The following EYS variants were observed in gnomAD, a reference collection of about 807,000 sequenced individuals.
The protein encoded by EYS is EGF-like photoreceptor maintenance factor, also known as protein eyes shut homolog.
EYS carries 250 observed loss-of-function variants against 282.1 expected under a neutral mutation model. The observed-to-expected ratio is 0.89, with a 90% CI of 0.80 to 0.98. The LOEUF is 0.98. Among genes scored for constraint, EYS ranks in the 50% least tolerant of loss-of-function variants. The pLI, the probability that EYS is intolerant of heterozygous loss-of-function variation, is 0.00. For synonymous variants in EYS, 1,355 were observed against 1,282.9 expected (o/e 1.06, Z -1.20); for missense variants, 4,016 against 3,709.0 (o/e 1.08, Z -2.15).
At chr6:64,995,722 C>CT (rs60329027) in intron 14 of EYS, among the ~76,000 whole-genome samples, 1 of 149,266 alleles carries the variant, frequency 6.7e-6, no homozygotes, top group African/African-American at 2.4e-5. Flanking sequence ...GCTTCCCCCC[C>CT]GCCCCATATT....
At chr6:65,117,288 C>G (rs1775403530) in intron 12 of EYS, among the ~76,000 whole-genome samples, 1 of 152,150 alleles carries the variant, frequency 6.6e-6, no homozygotes, top group Non-Finnish European at 1.5e-5. Flanking sequence ...CCAAATTAGA[C>G]AAAGCACCTT....
rs770504349 is a variant in EYS at position 64,686,367 on chromosome 6, TG to T, written c.3444-60123del. ...AAGATAAATGAAATAAATAAATGCC[TG>T]GAAATACTGATGAAGTAAAAAGGAA... On this transcript the variant is annotated intron_variant, in intron 22 of 42. Transcript: ENST00000503581. Among the ~76,000 whole-genome samples, 5 of 151,780 alleles carry T rather than the reference TG, an allele frequency of 3.3e-5. No individual in the cohort carries two copies. The East Asian group carries it at 7.7e-4, about 23-fold the overall frequency.
intron 41 of EYS, among the ~76,000 whole-genome samples, chr6:63,754,691 C>T (rs1447535937): frequency 1.3e-5 from 2 of 152,120 alleles, no homozygotes; most frequent in Admixed American, 1.3e-4. Context: ...ATTTATAATC[C>T]TTTGGGTATA....
intron 13 of EYS, among the ~76,000 whole-genome samples, chr6:65,043,230 A>C (rs1187901225): frequency 6.6e-6 from 1 of 151,490 alleles, no homozygotes; most frequent in African/African-American, 2.4e-5. Context: ...TTTGAAAGTT[A>C]CTCTTATTTT....
chr6:65,239,485 A>G (rs1227368945), intron 12 of EYS, among the ~76,000 whole-genome samples: 1 of 152,090 alleles, frequency 6.6e-6, no homozygotes, highest in African/African-American at 2.4e-5. Context: ...TATTTATTCT[A>G]TTCAATTGGC....
At chr6:64,198,746 T>C (rs902004586) in intron 31 of EYS, among the ~76,000 whole-genome samples, 2 of 152,178 alleles carry the variant, frequency 1.3e-5, no homozygotes, top group African/African-American at 4.8e-5. Flanking sequence ...TTTGGATTGG[T>C]TCCAAGTCTT....
At chr6:64,397,094 G>T (rs561365317) in intron 28 of EYS, among the ~76,000 whole-genome samples, 1 of 151,996 alleles carries the variant, frequency 6.6e-6, no homozygotes, top group Admixed American at 6.6e-5. Flanking sequence ...TTTTAATTGA[G>T]ATAATTAAAT....
intron 22 of EYS, among the ~76,000 whole-genome samples, chr6:64,652,453 G>A (rs1768597419): frequency 6.6e-6 from 1 of 152,114 alleles, no homozygotes; most frequent in South Asian, 2.1e-4. Flanking sequence ...GACAAAAAAT[G>A]GAAACCTCAG....
At chr6:65,225,684 A>G (rs1354289767) in intron 12 of EYS, among the ~76,000 whole-genome samples, 1 of 151,270 alleles carries the variant, frequency 6.6e-6, no homozygotes, top group Non-Finnish European at 1.5e-5. Context: ...ATTGCACTCC[A>G]GCCTGGGTAA....
intron 12 of EYS, among the ~76,000 whole-genome samples, chr6:65,241,605 G>C (rs1241617367): frequency 1.3e-5 from 2 of 151,860 alleles, no homozygotes; most frequent in Non-Finnish European, 2.9e-5. Flanking sequence ...TGATAAAACT[G>C]GTATGTCAGG....
chr6:64,786,943 T>A (rs180803325), intron 22 of EYS, among the ~76,000 whole-genome samples: 1 of 152,320 alleles, frequency 6.6e-6, no homozygotes, highest in Admixed American at 6.5e-5. Flanking sequence ...TGAGTTTCAC[T>A]CTTGGCTTTC....
intron 12 of EYS, among the ~76,000 whole-genome samples, chr6:65,247,303 T>C (rs1767205044): frequency 6.6e-6 from 1 of 152,056 alleles, no homozygotes; most frequent in African/African-American, 2.4e-5. Flanking sequence ...AATTTTCTCA[T>C]TATCTCACTT....
chr6:64,689,733 TC>T (rs1189328461), intron 22 of EYS, among the ~76,000 whole-genome samples: 4 of 152,180 alleles, frequency 2.6e-5, no homozygotes, highest in African/African-American at 9.7e-5. Flanking sequence ...GGGAAAGGAT[TC>T]CCTATTTAAT....
chr6:65,346,155 C>T (rs143736894), intron 9 of EYS, among the ~76,000 whole-genome samples: 19 of 151,874 alleles, frequency 1.3e-4, no homozygotes, highest in Non-Finnish European at 2.2e-4. Flanking sequence ...AGTTGCCATC[C>T]TGCAACCCTG....
At chr6:63,898,855 A>G (rs1196953516) in intron 35 of EYS, among the ~76,000 whole-genome samples, 2 of 152,190 alleles carry the variant, frequency 1.3e-5, no homozygotes, top group Non-Finnish European at 2.9e-5. Flanking sequence ...CATTTTTCCA[A>G]TAAATAGACT....
chr6:64,350,029 T>C (rs1483980385), intron 29 of EYS, among the ~76,000 whole-genome samples: 1 of 151,542 alleles, frequency 6.6e-6, no homozygotes, highest in Non-Finnish European at 1.5e-5. Flanking sequence ...TCTAGTGTGT[T>C]GACACTAGTA....
intron 29 of EYS, among the ~76,000 whole-genome samples, chr6:64,346,734 A>G (rs1355250704): frequency 6.6e-6 from 1 of 151,358 alleles, no homozygotes; most frequent in Non-Finnish European, 1.5e-5. Flanking sequence ...AAAACAAAAA[A>G]ACATTTTCAG....
intron 12 of EYS, among the ~76,000 whole-genome samples, chr6:65,150,902 T>C (rs1234856669): frequency 1.3e-5 from 2 of 151,994 alleles, no homozygotes; most frequent in Non-Finnish European, 2.9e-5. Flanking sequence ...TTTAGCTAAA[T>C]GCTAAATTAA....
At chr6:64,820,644 A>G (rs1203411394) in intron 21 of EYS, among the ~76,000 whole-genome samples, 1 of 152,172 alleles carries the variant, frequency 6.6e-6, no homozygotes, top group Non-Finnish European at 1.5e-5. Flanking sequence ...ATCTCATTTA[A>G]TTCTTGCAAT....
Sources: gnomAD v4.1 joint callset for allele counts (sites outside exome capture counted in the v4.1 genomes callset) on GRCh38, gnomAD v4.1.1 for gene constraint, MANE v1.5 for transcripts, NCBI Gene and HGNC (gene_info 2026-07-23, HGNC 2026-07-21) for gene names.